KPNA4: variants seen among roughly 807,000 people sequenced by gnomAD.
KPNA4 encodes importin subunit alpha-3.
A neutral mutation model predicts 71.3 loss-of-function variants in KPNA4; 13 were observed. The ratio of observed to expected loss-of-function variants is 0.18; its 90% CI spans 0.12 to 0.29. The LOEUF is 0.29. Among genes scored for constraint, KPNA4 ranks in the 10% least tolerant of loss-of-function variants. The probability of loss-of-function intolerance (pLI) is 1.00; values close to 1 mark genes in which losing one functional copy is unlikely to be tolerated. For missense variants in KPNA4, 334 were observed against 603.2 expected (o/e 0.55, Z 4.67); for synonymous variants, 189 against 195.2 (o/e 0.97, Z 0.26).
chr3:160,495,863 A>G lies in KPNA4; in HGVS notation c.*6241T>C, dbSNP rs1720748767. The G allele has an allele frequency of 6.6e-6, 1 of 151,962 alleles. No homozygotes were observed. The highest frequency in any genetic ancestry group is 2.1e-4 in the South Asian group (1 of 4,812). 9.4% of individuals were successfully genotyped at this position (151,962 alleles called of 1,614,324 possible). ...GAATTATGGTAATACCAAAGTGACT[A>G]AGGTTGTCTTGATTCCCCGCCCCCA... On this transcript the variant is annotated 3_prime_UTR_variant, in exon 17 of 17. Coordinates refer to ENST00000334256, the MANE Select transcript of KPNA4 (RefSeq NM_002268.5).
intron 7 of KPNA4, among the ~76,000 whole-genome samples, chr3:160,530,594 C>T (rs775085923): frequency 6.6e-6 from 1 of 152,012 alleles, no homozygotes; most frequent in Non-Finnish European, 1.5e-5. Context: ...TAAAGTGTAA[C>T]AATAATAATG....
At chr3:160,525,497 A>G (rs1241104020) in intron 10 of KPNA4, among the ~76,000 whole-genome samples, 1 of 152,228 alleles carries the variant, frequency 6.6e-6, no homozygotes, top group African/African-American at 2.4e-5. Context: ...GCAACTTTAA[A>G]AACTTTTAAT....
intron 1 of KPNA4, among the ~76,000 whole-genome samples, chr3:160,540,797 T>C (rs1174316533): frequency 6.6e-6 from 1 of 152,212 alleles, no homozygotes. Context: ...GAGAGCTATA[T>C]AAAGGACAGC....
At chr3:160,531,343 T>C in intron 6 of KPNA4, 119 bp downstream of exon 6, 2 of 523,728 alleles carry the variant, frequency 3.8e-6, no homozygotes, top group Non-Finnish European at 6.4e-6. Context: ...CTTTGACTTT[T>C]CAACTCCATC....
At chr3:160,562,350 TTC>T (rs1722259625) in intron 1 of KPNA4, among the ~76,000 whole-genome samples, 1 of 152,218 alleles carries the variant, frequency 6.6e-6, no homozygotes, top group Admixed American at 6.5e-5. Flanking sequence ...TGGTCCATAC[TTC>T]TTTCTGAAGA....
At chr3:160,562,017 T>G (rs191732270) in intron 1 of KPNA4, among the ~76,000 whole-genome samples, 1 of 152,264 alleles carries the variant, frequency 6.6e-6, no homozygotes, top group Non-Finnish European at 1.5e-5. Context: ...ATACACAAAG[T>G]TAGAGATCAA....
chr3:160,511,327 GA>G lies in KPNA4; in HGVS notation c.1138-1457del, dbSNP rs1721089217. Among the ~76,000 whole-genome samples, 3 of 150,612 alleles carry G rather than the reference GA, an allele frequency of 2.0e-5. No homozygotes were observed. In the South Asian group the frequency reaches 6.3e-4, roughly 32 times the overall value. Reference sequence around the variant, plus strand: ...TTGCTGTGTTAGCCAGGATGGTCTCGATCTCCTGACTTCATGATCTGCCCGC... The same window carrying G: ...TTGCTGTGTTAGCCAGGATGGTCTCGTCTCCTGACTTCATGATCTGCCCGC... On this transcript the variant is annotated intron_variant, in intron 13 of 16. Transcript: ENST00000334256.
intron 5 of KPNA4, among the ~76,000 whole-genome samples, chr3:160,532,428 AT>A (rs1235933302): frequency 6.6e-6 from 1 of 152,198 alleles, no homozygotes; most frequent in Non-Finnish European, 1.5e-5. Context: ...GTTCAACAAC[AT>A]TTTCATCTCA....
intron 1 of KPNA4, among the ~76,000 whole-genome samples, chr3:160,540,056 G>A (rs910910270): frequency 1.4e-5 from 2 of 143,622 alleles, no homozygotes; most frequent in African/African-American, 5.2e-5. Context: ...CTGGAGTACA[G>A]TAACGGGATC....
chr3:160,517,881 T>C (rs552016974), intron 11 of KPNA4, among the ~76,000 whole-genome samples: 2 of 152,344 alleles, frequency 1.3e-5, no homozygotes, highest in African/African-American at 4.8e-5. Flanking sequence ...CAATACATAA[T>C]TTTCTAATAC....
intron 15 of KPNA4, among the ~76,000 whole-genome samples, chr3:160,506,817 C>T (rs959848997): frequency 6.6e-6 from 1 of 152,188 alleles, no homozygotes; most frequent in East Asian, 1.9e-4. Context: ...TTGTTCCTAA[C>T]TCGACAGTTA....
At position 160,563,405 on chromosome 3, in the gene KPNA4, G is replaced by A. The variant is rs530738948; in HGVS notation, c.69+1809C>T. On this transcript the variant is annotated intron_variant, in intron 1 of 16. Transcript: ENST00000334256. The stretch of plus-strand genomic sequence containing the variant: ...TGGGAATTGGAGAGTGACTGTTAAT[G>A]AGTACAGGTTTCTTTTTGGGGCCGT... 2.6e-5 allele frequency among the ~76,000 whole-genome samples: 4 copies of A among 152,362 alleles called. No homozygotes were observed. The South Asian group carries it at 6.2e-4, about 24-fold the overall frequency.
At chr3:160,523,607 T>TG (rs1168309846) in intron 10 of KPNA4, among the ~76,000 whole-genome samples, 3 of 152,070 alleles carry the variant, frequency 2.0e-5, no homozygotes, top group Non-Finnish European at 4.4e-5. Context: ...CCCAGCACTT[T>TG]GGGGGGCCAA....
intron 1 of KPNA4, among the ~76,000 whole-genome samples, chr3:160,556,885 A>G (rs1397030365): frequency 6.6e-6 from 1 of 152,244 alleles, no homozygotes; most frequent in Non-Finnish European, 1.5e-5. Context: ...TATCTGTAGT[A>G]AAATGAACAT....
intron 1 of KPNA4, among the ~76,000 whole-genome samples, chr3:160,551,130 T>C (rs770521252): frequency 1.3e-5 from 2 of 152,234 alleles, no homozygotes; most frequent in Non-Finnish European, 2.9e-5. Flanking sequence ...CTTTTCTTTG[T>C]TGGGAGATTT....
chr3:160,508,557 T>C (rs1277900885), intron 14 of KPNA4, among the ~76,000 whole-genome samples: 1 of 152,174 alleles, frequency 6.6e-6, no homozygotes. Context: ...GATTTTTCCC[T>C]TTAAGAGTAA....
rs1020617532 is a variant in KPNA4 at position 160,531,691 on chromosome 3, A to G, written c.288-134T>C. 6 of 438,120 alleles carry G rather than the reference A, an allele frequency of 1.4e-5. No individual in the cohort carries two copies. In the Admixed American group the frequency reaches 1.7e-4, roughly 12 times the overall value. The allele number at this position is 438,120 out of a possible 1,614,324, so 27.1% of individuals were successfully genotyped here. On this transcript the variant is annotated intron_variant, in intron 5 of 16. Transcript: ENST00000334256. ...GTGCCTTCTCTGAAATTAACAATTT[A>G]TATAATGCAACCTTTTCTCTAAATT...
At chr3:160,550,735 G>A (rs1722023501) in intron 1 of KPNA4, among the ~76,000 whole-genome samples, 1 of 152,120 alleles carries the variant, frequency 6.6e-6, no homozygotes. Flanking sequence ...GTCAAAGTCT[G>A]GTACTGAACT....
chr3:160,505,014 C>A lies in KPNA4; in HGVS notation c.1411G>T (p.Glu471Ter). ...TCATAGGCCAATTTGTAGATGTCTT[C>A]ATTTTCATGATTTTGAAGTTGTTCA... ...KIEQLQNHENEDIYKLAYEII... is the reference protein window; with the variant it reads ...KIEQLQNHEN The change falls in exon 16 of 17, where the codon GAA becomes TAA. Residue 471 changes from glutamate to a stop codon, truncating the protein, a stop_gained. Transcript: ENST00000334256. LOFTEE classifies it high-confidence loss of function. 6.4e-7 allele frequency: 1 copy of A among 1,569,436 alleles called. No individual in the cohort carries two copies. The highest frequency in any genetic ancestry group is 1.2e-5 in the South Asian group (1 of 81,724).
Sources: allele counts gnomAD v4.1 joint callset (sites outside exome capture counted in the v4.1 genomes callset), GRCh38; gene constraint gnomAD v4.1.1; transcripts MANE v1.5; gene names NCBI Gene and HGNC (gene_info 2026-07-23, HGNC 2026-07-21).